GRIP2: variants seen among roughly 807,000 people sequenced by gnomAD.
GRIP2 encodes the protein glutamate receptor interacting protein 2, also known as glutamate receptor-interacting protein 2.
Under a neutral mutation model 108.3 loss-of-function variants are expected in GRIP2, and 58 were observed. The observed-to-expected ratio is 0.54, with a 90% CI of 0.43 to 0.67. The LOEUF is 0.67. Among genes scored for constraint, GRIP2 ranks in the 30% least tolerant of loss-of-function variants. The pLI, the probability that GRIP2 is intolerant of heterozygous loss-of-function variation, is 0.00. For synonymous variants in GRIP2, 586 were observed against 598.2 expected (o/e 0.98, Z 0.30); for missense variants, 1,278 against 1,430.6 (o/e 0.89, Z 1.72).
At chr3:14,561,909 C>T in the GRIP2 span, among the ~76,000 whole-genome samples, 1 of 152,238 alleles carries the variant, frequency 6.6e-6, no homozygotes, top group Non-Finnish European at 1.5e-5. Context: ...ATCCATCCAT[C>T]TCTCCATCCA....
At chr3:14,515,074 A>G (rs982147846) in intron 11 of GRIP2, among the ~76,000 whole-genome samples, 15 of 152,222 alleles carry the variant, frequency 9.9e-5, no homozygotes, top group Admixed American at 5.2e-4. Flanking sequence ...GGCACTTTAT[A>G]TAAACAGAAT....
the GRIP2 span, among the ~76,000 whole-genome samples, chr3:14,587,120 G>A: frequency 3.0e-4 from 45 of 152,248 alleles, no homozygotes; most frequent in African/African-American, 9.6e-4. Context: ...TTTCACTTAA[G>A]AGGATTTATT....
At chr3:14,564,390 G>A in the GRIP2 span, among the ~76,000 whole-genome samples, 6 of 152,354 alleles carry the variant, frequency 3.9e-5, no homozygotes, top group South Asian at 1.0e-3. Flanking sequence ...CCAGGCCACG[G>A]CAGTGCCGGC....
At position 14,523,037 on chromosome 3, in the gene GRIP2, C is replaced by A. The variant is rs1333624401; in HGVS notation, c.529G>T (p.Val177Phe). ...CCACCGGGCCGCACGTAGGTCAGGA[C>A]AAGCGGGCGGGACTTGTGCCCATCT... ...HEDGHKSRPL[V>F]LTYVRPGGPA... Residue 177 changes from valine (V) to phenylalanine (F), a missense_variant, in exon 6 of 24, where the codon GTC becomes TTC. By Grantham distance (50) the Val-to-Phe change is conservative (BLOSUM62 -1). Transcript: ENST00000621039. The A allele has an allele frequency of 6.2e-7, 1 of 1,613,292 alleles. No individual in the cohort carries two copies. Among genetic ancestry groups the A allele is most frequent in the Admixed American group, 1.7e-5 (1 of 59,910 alleles).
chr3:14,540,149 G>T lies in GRIP2; in HGVS notation c.40+120C>A. ...CTGCCCCACCCTCCCCAAGCCCTGG[G>T]TCTCCAGGGAGTGGCAGTCCCAGGT... On this transcript the variant is annotated intron_variant, in intron 1 of 23. Coordinates refer to ENST00000621039, the MANE Select transcript of GRIP2 (RefSeq NM_001080423.4). The surrounding 1 kb of genome is among the most constrained non-coding windows in gnomAD (Gnocchi z 4.1). 1 of 1,279,532 alleles carries T rather than the reference G, an allele frequency of 7.8e-7. No individual in the cohort carries two copies. The allele number at this position is 1,279,532 out of a possible 1,614,324, so 79.3% of individuals were successfully genotyped here.
At chr3:14,536,293 T>C (rs1039952575) in intron 1 of GRIP2, among the ~76,000 whole-genome samples, 5 of 152,158 alleles carry the variant, frequency 3.3e-5, no homozygotes, top group African/African-American at 1.2e-4. Context: ...TGTCCCCAGT[T>C]TACAGATAGG....
chr3:14,579,423 T>A, the GRIP2 span, among the ~76,000 whole-genome samples: 2 of 152,206 alleles, frequency 1.3e-5, no homozygotes, highest in Non-Finnish European at 2.9e-5. Context: ...AGTTATTTTT[T>A]AAAAATGTCC....
Position 14,511,839 on chromosome 3 carries a change from T to C in GRIP2, c.1721-360A>G, listed in dbSNP as rs936962681. Among the ~76,000 whole-genome samples the C allele has an allele frequency of 3.9e-5, 6 of 152,088 alleles. No homozygotes were observed. The highest frequency in any genetic ancestry group is 3.9e-4 in the Admixed American group (6 of 15,272). ...GGGGGCTGTCTGCTTGGTGTCTGTG[T>C]CCCCAGCACCGGGCTCAGGGCCAGC... On this transcript the variant is annotated intron_variant, in intron 14 of 23. Transcript: ENST00000621039. This position sits in a 1 kb window ranked among gnomAD's most constrained non-coding sequence, Gnocchi z 4.1.
At chr3:14,553,855 T>G (rs1695191815) in intron 1 of GRIP2, among the ~76,000 whole-genome samples, 1 of 152,182 alleles carries the variant, frequency 6.6e-6, no homozygotes. Context: ...GCAAAGCAAG[T>G]TCCTTGTGCC....
chr3:14,543,300 T>G (rs554533316), upstream of GRIP2, among the ~76,000 whole-genome samples: 5 of 152,284 alleles, frequency 3.3e-5, no homozygotes, highest in East Asian at 9.7e-4. Flanking sequence ...AAAAGCTGCA[T>G]GTTAAGAGGG....
At chr3:14,524,336 G>C in intron 4 of GRIP2, 57 bp downstream of exon 4, 2 of 1,560,982 alleles carry the variant, frequency 1.3e-6, no homozygotes, top group Non-Finnish European at 1.7e-6. Flanking sequence ...TGGGGAGGTA[G>C]CCGTGTCCAC....
upstream of GRIP2, among the ~76,000 whole-genome samples, chr3:14,546,368 A>G (rs1406672459): frequency 1.3e-5 from 2 of 151,964 alleles, no homozygotes; most frequent in Admixed American, 6.6e-5. Context: ...CCTAACTTCT[A>G]TTTTGCAATG....
chr3:14,523,229 A>C, intron 5 of GRIP2, 154 bp from the exon 6 acceptor site: 1 of 627,416 alleles, frequency 1.6e-6, no homozygotes, highest in Non-Finnish European at 2.8e-6. Context: ...CCAACAATAA[A>C]TTCGCCCTCC....
the GRIP2 span, among the ~76,000 whole-genome samples, chr3:14,579,323 C>T: frequency 6.6e-6 from 1 of 152,152 alleles, no homozygotes; most frequent in Non-Finnish European, 1.5e-5. Flanking sequence ...GGGTTGGTGG[C>T]TACATAAAAA....
At chr3:14,602,876 C>T in the GRIP2 span, among the ~76,000 whole-genome samples, 6 of 151,134 alleles carry the variant, frequency 4.0e-5, no homozygotes, top group Admixed American at 2.6e-4. This position sits in a 1 kb window ranked among gnomAD's most constrained non-coding sequence, Gnocchi z 4.7. Context: ...GTCCGCCCTC[C>T]GCACCCCGCG....
chr3:14,572,820 G>C, the GRIP2 span: 2 of 900,908 alleles, frequency 2.2e-6, no homozygotes. Flanking sequence ...GCCTGCTGGA[G>C]CGCATGGTCC....
chr3:14,544,742 GA>G (rs1252926223), upstream of GRIP2, among the ~76,000 whole-genome samples: 2 of 152,218 alleles, frequency 1.3e-5, no homozygotes, highest in Admixed American at 1.3e-4. Context: ...GGTCCTCTCA[GA>G]ACCTGCATCT....
chr3:14,573,968 C>A, the GRIP2 span: 28 of 1,080,294 alleles, frequency 2.6e-5, no homozygotes, highest in Admixed American at 2.3e-4. Flanking sequence ...TGTGCACCTG[C>A]GGATCCTGGC....
At chr3:14,562,826 A>G in the GRIP2 span, among the ~76,000 whole-genome samples, 1 of 152,226 alleles carries the variant, frequency 6.6e-6, no homozygotes, top group East Asian at 1.9e-4. Flanking sequence ...GGGATGTGGA[A>G]GGAAGCCCAC....
Sources: gnomAD v4.1 joint callset for allele counts (sites outside exome capture counted in the v4.1 genomes callset) on GRCh38, gnomAD v4.1.1 for gene constraint, Gnocchi (gnomAD v3.1) non-coding constraint, MANE v1.5 for transcripts, NCBI Gene and HGNC (gene_info 2026-07-23, HGNC 2026-07-21) for gene names.